Variants in LHFPL3 observed in about 807,000 individuals in gnomAD.
The protein encoded by LHFPL3 is LHFPL tetraspan subfamily member 3 protein.
LHFPL3 carries 5 observed loss-of-function variants against 19.3 expected under a neutral mutation model. The observed-to-expected ratio is 0.26, with a 90% confidence interval of 0.14 to 0.54. LHFPL3 has a LOEUF of 0.54. Among genes scored for constraint, LHFPL3 ranks in the 20% least tolerant of loss-of-function variants. The pLI is 0.94. For synonymous variants in LHFPL3, 133 were observed against 126.2 expected (o/e 1.05, Z -0.36); for missense variants, 249 against 307.4 (o/e 0.81, Z 1.42).
chr7:104,409,898 A>T (rs752109738), intron 1 of LHFPL3, among the ~76,000 whole-genome samples: 3 of 151,866 alleles, frequency 2.0e-5, no homozygotes, highest in Non-Finnish European at 4.4e-5. Context: ...TCTCCTGCCC[A>T]CTTTGCTTGG....
At chr7:104,781,043 G>A (rs181622030) in intron 2 of LHFPL3, among the ~76,000 whole-genome samples, 1 of 151,874 alleles carries the variant, frequency 6.6e-6, no homozygotes, top group Admixed American at 6.6e-5. Flanking sequence ...CCAACCCCAG[G>A]TTAATCCAAC....
chr7:104,397,907 T>C (rs372060182), intron 1 of LHFPL3, among the ~76,000 whole-genome samples: 2 of 152,184 alleles, frequency 1.3e-5, no homozygotes, highest in South Asian at 2.1e-4. Context: ...ATAGTTTACC[T>C]TGAGTTTCAT....
rs1793295587 is a variant in LHFPL3, at chr7:104,489,295, G to A, written c.445+160071G>A. Among the ~76,000 whole-genome samples, 2 of 36,782 alleles carry A rather than the reference G, an allele frequency of 5.4e-5. 1 individual carries two copies. 24.1% of individuals were successfully genotyped at this position (36,782 alleles called of 152,430 possible). ...GACGGGGTTTCACCGTTTTTAGCCG[G>A]GATGGTCTCGATCTCCTGACCTCGT... On this transcript the variant is annotated intron_variant, in intron 1 of 2. Coordinates refer to ENST00000424859, the MANE Select transcript of LHFPL3 (RefSeq NM_199000.3).
chr7:104,882,880 A>G (rs1262257446), intron 2 of LHFPL3, among the ~76,000 whole-genome samples: 2 of 152,162 alleles, frequency 1.3e-5, no homozygotes, highest in Non-Finnish European at 2.9e-5. Flanking sequence ...GAAGGGTATG[A>G]TTTATATTGT....
At chr7:104,835,309 C>G (rs1791069650) in intron 2 of LHFPL3, among the ~76,000 whole-genome samples, 1 of 151,944 alleles carries the variant, frequency 6.6e-6, no homozygotes, top group Non-Finnish European at 1.5e-5. Context: ...GCTGTGTGTT[C>G]TTCTAGTCAA....
intron 1 of LHFPL3, among the ~76,000 whole-genome samples, chr7:104,685,771 C>T (rs1792793130): frequency 6.6e-6 from 1 of 152,178 alleles, no homozygotes; most frequent in Non-Finnish European, 1.5e-5. Flanking sequence ...CCATGGTACA[C>T]ACATAGTGTT....
At chr7:104,445,129 G>A (rs1436444845) in intron 1 of LHFPL3, among the ~76,000 whole-genome samples, 1 of 152,138 alleles carries the variant, frequency 6.6e-6, no homozygotes, top group Non-Finnish European at 1.5e-5. Flanking sequence ...TCTTTTTAAT[G>A]CTATATTGGT....
chr7:104,833,002 A>ATATATAATATAT (rs1790988266), intron 2 of LHFPL3, among the ~76,000 whole-genome samples: 1 of 44,138 alleles, frequency 2.3e-5, no homozygotes, highest in Non-Finnish European at 4.2e-5. Context: ...CATATATATT[A>ATATATAATATAT]TATATATATA....
intron 1 of LHFPL3, among the ~76,000 whole-genome samples, chr7:104,464,146 A>T (rs750999091): frequency 2.6e-5 from 4 of 152,228 alleles, no homozygotes; most frequent in South Asian, 4.1e-4. Flanking sequence ...CTGAAATCCA[A>T]TGGGGCAGTT....
At chr7:104,694,851 G>A (rs996513878) in intron 1 of LHFPL3, among the ~76,000 whole-genome samples, 12 of 152,318 alleles carry the variant, frequency 7.9e-5, no homozygotes, top group African/African-American at 2.4e-4. Context: ...GGCTTGCTGG[G>A]GATTTTATAG....
chr7:104,476,451 C>CTT (rs10708859), intron 1 of LHFPL3, among the ~76,000 whole-genome samples: 1 of 147,588 alleles, frequency 6.8e-6, no homozygotes, highest in Non-Finnish European at 1.5e-5. Flanking sequence ...TAGCTTCCCT[C>CTT]TTTTTTTTTT....
chr7:104,522,821 G>A (rs1476700783), intron 1 of LHFPL3, among the ~76,000 whole-genome samples: 2 of 152,012 alleles, frequency 1.3e-5, no homozygotes, highest in Non-Finnish European at 2.9e-5. Flanking sequence ...GTAAGACTTT[G>A]AAAAAAGAAG....
At chr7:104,352,505 C>T (rs566682818) in intron 1 of LHFPL3, among the ~76,000 whole-genome samples, 2 of 152,250 alleles carry the variant, frequency 1.3e-5, no homozygotes, top group South Asian at 2.1e-4. Context: ...TTCCTGCAGC[C>T]GCCTGTATCT....
chr7:104,852,713 C>A (rs1391253455), intron 2 of LHFPL3, among the ~76,000 whole-genome samples: 1 of 152,260 alleles, frequency 6.6e-6, no homozygotes, highest in South Asian at 2.1e-4. Flanking sequence ...CAGCCCCAGT[C>A]TTGACATTGT....
chr7:104,745,220 T>C (rs994144820), intron 2 of LHFPL3, among the ~76,000 whole-genome samples: 1 of 152,172 alleles, frequency 6.6e-6, no homozygotes, highest in East Asian at 1.9e-4. Flanking sequence ...TGGGAAACTT[T>C]TGCTTTCCTG....
chr7:104,411,642 A>T (rs1397242082), intron 1 of LHFPL3, among the ~76,000 whole-genome samples: 1 of 152,200 alleles, frequency 6.6e-6, no homozygotes. Context: ...TGCTCTTTTC[A>T]ACCTCGTTAG....
At chr7:104,748,725 G>A (rs1435648355) in intron 2 of LHFPL3, among the ~76,000 whole-genome samples, 2 of 152,082 alleles carry the variant, frequency 1.3e-5, no homozygotes, top group Non-Finnish European at 2.9e-5. Context: ...TAAATACTAA[G>A]GGAACTCAGA....
chr7:104,718,727 G>A (rs1482440245), intron 1 of LHFPL3, among the ~76,000 whole-genome samples: 1 of 152,156 alleles, frequency 6.6e-6, no homozygotes, highest in Non-Finnish European at 1.5e-5. Context: ...AACACCAAGT[G>A]CATACAAATT....
At chr7:104,344,197 TAAAAAATGAAGCCAA>T (rs1790019871) in intron 1 of LHFPL3, among the ~76,000 whole-genome samples, 4 of 152,162 alleles carry the variant, frequency 2.6e-5, no homozygotes, top group African/African-American at 9.6e-5. Flanking sequence ...ATTGTGCATT[TAAAAAATGAAGCCAA>T]CTTTGCCATA....
Sources: allele counts gnomAD v4.1 joint callset (sites outside exome capture counted in the v4.1 genomes callset), GRCh38; gene constraint gnomAD v4.1.1; transcripts MANE v1.5; gene names NCBI Gene and HGNC (gene_info 2026-07-23, HGNC 2026-07-21).